The following SYK variants were observed in gnomAD, a reference collection of about 807,000 sequenced individuals.
SYK encodes spleen associated tyrosine kinase.
Under a neutral mutation model 77.8 loss-of-function variants are expected in SYK, and 16 were observed. That is an observed-to-expected ratio of 0.21 (90% CI 0.14 to 0.31). SYK has a LOEUF of 0.31. Ranked by LOEUF, SYK falls within the 10% of genes least tolerant of loss-of-function variation. SYK has a pLI of 1.00. For synonymous variants in SYK, 312 were observed against 308.7 expected (o/e 1.01, Z -0.11); for missense variants, 529 against 814.4 (o/e 0.65, Z 4.26).
intron 1 of SYK, among the ~76,000 whole-genome samples, chr9:90,842,915 T>C (rs1169148595): frequency 6.6e-6 from 1 of 152,142 alleles, no homozygotes; most frequent in Non-Finnish European, 1.5e-5. Context: ...CTTTTGGGGC[T>C]GGCAATATGT....
At chr9:90,833,825 T>C (rs188827496) in intron 1 of SYK, among the ~76,000 whole-genome samples, 1 of 152,280 alleles carries the variant, frequency 6.6e-6, no homozygotes, top group Admixed American at 6.5e-5. Flanking sequence ...GGAAGTCTAG[T>C]TGGAAGAGAA....
intron 1 of SYK, among the ~76,000 whole-genome samples, chr9:90,835,751 C>T (rs1438098721): frequency 6.6e-6 from 1 of 152,192 alleles, no homozygotes; most frequent in African/African-American, 2.4e-5. Flanking sequence ...TGGAGCATCT[C>T]GCAGATTAGT....
At chr9:90,846,679 A>AAG (rs1554709258) in intron 3 of SYK, among the ~76,000 whole-genome samples, 3 of 146,674 alleles carry the variant, frequency 2.0e-5, no homozygotes, top group Non-Finnish European at 4.5e-5. Context: ...AAAGAAAAGA[A>AAG]AAATTGACCA....
At chr9:90,861,330 G>A (rs549387205) in intron 3 of SYK, among the ~76,000 whole-genome samples, 5 of 152,222 alleles carry the variant, frequency 3.3e-5, no homozygotes, top group Admixed American at 1.3e-4. Flanking sequence ...TTGTTCTGAG[G>A]GTCGCCCAGC....
chr9:90,873,676 G>A (rs1456504791), intron 7 of SYK, among the ~76,000 whole-genome samples: 2 of 152,160 alleles, frequency 1.3e-5, no homozygotes, highest in East Asian at 3.9e-4. Context: ...CCACCCCAAT[G>A]CTGCTGCATC....
intron 7 of SYK, among the ~76,000 whole-genome samples, chr9:90,868,706 T>C (rs1330682): frequency 2.6e-5 from 4 of 152,198 alleles, no homozygotes; most frequent in Non-Finnish European, 5.9e-5. Flanking sequence ...TTGATAACAC[T>C]GTAGTAAAGG....
chr9:90,813,995 A>C (rs1251588489), intron 1 of SYK, among the ~76,000 whole-genome samples: 1 of 152,208 alleles, frequency 6.6e-6, no homozygotes, highest in Non-Finnish European at 1.5e-5. Flanking sequence ...TTGCTCTTTT[A>C]AAATGTCCAG....
At chr9:90,847,167 T>C (rs1024233044) in intron 3 of SYK, among the ~76,000 whole-genome samples, 7 of 152,228 alleles carry the variant, frequency 4.6e-5, no homozygotes, top group African/African-American at 1.4e-4. Flanking sequence ...CAGCTCTTGT[T>C]TGATGAACAT....
intron 1 of SYK, among the ~76,000 whole-genome samples, chr9:90,830,401 C>T (rs1161030431): frequency 1.3e-5 from 2 of 152,184 alleles, no homozygotes; most frequent in Non-Finnish European, 2.9e-5. Flanking sequence ...GGGATTCTGC[C>T]GCACAAGGCA....
chr9:90,893,013 T>C (rs1334608832), intron 13 of SYK, among the ~76,000 whole-genome samples: 3 of 152,246 alleles, frequency 2.0e-5, no homozygotes, highest in Admixed American at 6.5e-5. Flanking sequence ...CCCTGGGTCA[T>C]TCACAGGGTC....
chr9:90,810,954 G>A (rs191005607), intron 1 of SYK, among the ~76,000 whole-genome samples: 40 of 152,030 alleles, frequency 2.6e-4, no homozygotes, highest in Non-Finnish European at 5.1e-4. Flanking sequence ...TTGGGAAAAC[G>A]GCAAATCGTT....
chr9:90,825,107 G>A (rs1268325225), intron 1 of SYK, among the ~76,000 whole-genome samples: 4 of 139,530 alleles, frequency 2.9e-5, no homozygotes, highest in Non-Finnish European at 4.6e-5. Flanking sequence ...ATGTATAATA[G>A]CACCAAAAAG....
intron 1 of SYK, among the ~76,000 whole-genome samples, chr9:90,812,933 G>A (rs1825147983): frequency 6.6e-6 from 1 of 152,194 alleles, no homozygotes; most frequent in Non-Finnish European, 1.5e-5. Context: ...GCGTGCAACT[G>A]TAAGACTTGC....
intron 1 of SYK, among the ~76,000 whole-genome samples, chr9:90,837,510 C>A (rs1478626752): frequency 6.6e-6 from 1 of 151,916 alleles, no homozygotes; most frequent in Non-Finnish European, 1.5e-5. Context: ...GAGGCCTCAA[C>A]CTGGAGGCAG....
intron 3 of SYK, among the ~76,000 whole-genome samples, chr9:90,855,334 A>T (rs1458328140): frequency 6.6e-6 from 1 of 152,016 alleles, no homozygotes; most frequent in Non-Finnish European, 1.5e-5. Flanking sequence ...CCTGCTGGGG[A>T]GGGGAGGTGA....
intron 3 of SYK, among the ~76,000 whole-genome samples, chr9:90,848,161 C>T (rs1448838132): frequency 6.6e-6 from 1 of 152,202 alleles, no homozygotes; most frequent in South Asian, 2.1e-4. Flanking sequence ...GCTTCCAGCA[C>T]GGGGCAGGGT....
intron 11 of SYK, 33 bp from the exon 12 acceptor site, chr9:90,887,715 CT>C (rs1379719334): frequency 6.3e-7 from 1 of 1,576,062 alleles, no homozygotes; most frequent in African/African-American, 1.4e-5. Context: ...CAATTTTATT[CT>C]TAATGGAATT....
rs1283399826 is a variant in SYK, at chr9:90,862,197, C to T, written c.579-9C>T. 2 of 1,605,842 alleles carry T rather than the reference C, an allele frequency of 1.2e-6. No individual in the cohort carries two copies. Among genetic ancestry groups the T allele is most frequent in the African/African-American group, 1.3e-5 (1 of 74,944 alleles). On this transcript the variant is annotated splice_polypyrimidine_tract_variant and intron_variant, in intron 3 of 13. Transcript: ENST00000375754. ...CCTGGGGATGATGCAGTTCCATCCT[C>T]TCTTCTAGGATCCGAGCCAGAGACA...
chr9:90,889,899 G>T (rs547050219), intron 13 of SYK, among the ~76,000 whole-genome samples: 1 of 152,360 alleles, frequency 6.6e-6, no homozygotes, highest in East Asian at 1.9e-4. Context: ...GGACCCTGGG[G>T]AGGGCAGCCC....
Sources: gnomAD v4.1 joint callset for allele counts (sites outside exome capture counted in the v4.1 genomes callset) on GRCh38, gnomAD v4.1.1 for gene constraint, MANE v1.5 for transcripts, NCBI Gene and HGNC (gene_info 2026-07-23, HGNC 2026-07-21) for gene names.